DIS3L2: variants seen among roughly 807,000 people sequenced by gnomAD.
The protein encoded by DIS3L2 is DIS3-like exonuclease 2.
Under a neutral mutation model 97.5 loss-of-function variants are expected in DIS3L2, and 34 were observed. The observed-to-expected ratio is 0.35, with a 90% confidence interval of 0.27 to 0.46. The LOEUF (loss-of-function observed/expected upper bound fraction) is 0.46. DIS3L2 is among the 20% of genes least tolerant of loss of function. The pLI is 1.00. For missense variants in DIS3L2, 1,038 were observed against 1,146.0 expected (o/e 0.91, Z 1.36); for synonymous variants, 435 against 445.2 (o/e 0.98, Z 0.29).
At chr2:232,086,051 C>A (rs897350449) in intron 5 of DIS3L2, among the ~76,000 whole-genome samples, 5 of 152,026 alleles carry the variant, frequency 3.3e-5, no homozygotes, top group African/African-American at 9.7e-5. Context: ...CCTGCCTTGG[C>A]CTCCCATAGC....
intron 9 of DIS3L2, among the ~76,000 whole-genome samples, chr2:232,201,809 A>G (rs929159811): frequency 2.0e-5 from 3 of 152,220 alleles, no homozygotes; most frequent in African/African-American, 7.2e-5. Context: ...TAAACACACA[A>G]AACAACCAGC....
chr2:232,031,011 G>T (rs1694790961), intron 5 of DIS3L2, among the ~76,000 whole-genome samples: 1 of 152,040 alleles, frequency 6.6e-6, no homozygotes, highest in Non-Finnish European at 1.5e-5. Flanking sequence ...ACTTAGATTT[G>T]AATCTCATCT....
intron 12 of DIS3L2, among the ~76,000 whole-genome samples, chr2:232,259,238 G>T (rs1008107388): frequency 6.6e-6 from 1 of 151,996 alleles, no homozygotes; most frequent in East Asian, 1.9e-4. Flanking sequence ...CCTATGTGCT[G>T]TTAGGAAGGG....
rs143121644 is a variant in DIS3L2 at position 232,124,088 on chromosome 2, A to G, written c.602-6531A>G. Reference sequence around the variant, plus strand: ...AAATCATACTTCAAAGACAAGAACCATAAGAAACCACAAACAACAGAAGCA... The same window carrying G: ...AAATCATACTTCAAAGACAAGAACCGTAAGAAACCACAAACAACAGAAGCA... On this transcript the variant is annotated intron_variant, in intron 6 of 20. Coordinates refer to ENST00000325385, the MANE Select transcript of DIS3L2 (RefSeq NM_152383.5). Among the ~76,000 whole-genome samples the G allele has an allele frequency of 7.9e-5, 12 of 152,356 alleles. No individual in the cohort carries two copies. The East Asian group carries it at 9.6e-4, about 12-fold the overall frequency.
In DIS3L2 at chr2:232,030,019, G is replaced by A. The variant is rs372013568; in HGVS notation, c.305G>A (p.Arg102His). The A allele has an allele frequency of 4.4e-6, 7 of 1,608,962 alleles. No individual in the cohort carries two copies. The highest frequency in any genetic ancestry group is 1.3e-5 in the African/African-American group (1 of 74,600). ...RDIFIDGVVA[R>H]NRALNGDLVV... ...ATTTTTATTGATGGGGTTGTTGCTC[G>A]TAATAGAGCCTTAAATGGGGATCTG... The change falls in exon 5 of 21, where the codon CGT (arginine) becomes CAT (histidine). Residue 102 changes from arginine (R) to histidine (H), a missense_variant. Around this residue, in one of 3 missense-constraint regions of DIS3L2, gnomAD observed 813 missense variants for 880.1 expected, o/e 0.92. Transcript: ENST00000325385.
chr2:231,990,178 ATT>A (rs35062172), intron 1 of DIS3L2, among the ~76,000 whole-genome samples: 2 of 146,490 alleles, frequency 1.4e-5, no homozygotes, highest in East Asian at 2.0e-4. Context: ...TTAGGTTTTG[ATT>A]TTTTTTTTTT....
Position 232,077,083 on chromosome 2 carries a change from T to C in DIS3L2, c.367-10404T>C, listed in dbSNP as rs371024973. ...CTGGGCTTAGTTCTGTTCCTTTAAG[T>C]GGAGAGCCTCTCATAGCTGCCCCTC... is the stretch of plus-strand genomic sequence containing the variant. On this transcript the variant is annotated intron_variant, in intron 5 of 20. Coordinates refer to ENST00000325385, the MANE Select transcript of DIS3L2 (RefSeq NM_152383.5). 2.9e-4 allele frequency among the ~76,000 whole-genome samples: 44 copies of C among 152,274 alleles called. No homozygotes were observed. In the South Asian group the frequency reaches 2.9e-3, roughly 10 times the overall value.
At chr2:232,195,512 G>C (rs1032922382) in intron 9 of DIS3L2, among the ~76,000 whole-genome samples, 2 of 138,616 alleles carry the variant, frequency 1.4e-5, no homozygotes, top group African/African-American at 5.4e-5. Context: ...GGGAGTTGAA[G>C]CTGTCCTCTT....
chr2:232,048,054 T>G (rs1396070912), intron 5 of DIS3L2, among the ~76,000 whole-genome samples: 2 of 152,204 alleles, frequency 1.3e-5, no homozygotes, highest in Non-Finnish European at 2.9e-5. Context: ...AAGCACATGT[T>G]TTCACTTCTT....
chr2:232,303,058 CTCT>C (rs930507689), intron 14 of DIS3L2, among the ~76,000 whole-genome samples: 10 of 152,274 alleles, frequency 6.6e-5, no homozygotes, highest in African/African-American at 2.4e-4. Context: ...TGCTTGTTGC[CTCT>C]TCTTCCCAAA....
rs187831288 is a variant in DIS3L2 at position 232,071,757 on chromosome 2, C to T, written c.367-15730C>T. ...GTCTCACTATGTTGCCCAGGTTGGT[C>T]TCAAACTCCTGGGCTCAAGCAGTCC... is the stretch of plus-strand genomic sequence containing the variant. On this transcript the variant is annotated intron_variant, in intron 5 of 20. Coordinates refer to ENST00000325385, the MANE Select transcript of DIS3L2 (RefSeq NM_152383.5). Among the ~76,000 whole-genome samples the T allele has an allele frequency of 3.7e-3, 558 of 152,234 alleles. 2 individuals are homozygous for T. The highest frequency in any genetic ancestry group is 5.9e-3 in the Non-Finnish European group (400 of 68,012).
intron 8 of DIS3L2, among the ~76,000 whole-genome samples, chr2:232,141,473 G>A (rs1690037030): frequency 1.3e-5 from 2 of 152,088 alleles, no homozygotes; most frequent in Non-Finnish European, 2.9e-5. Flanking sequence ...GTTTTGAGGG[G>A]TGGAGGAGGA....
intron 8 of DIS3L2, 25 bp downstream of exon 8, chr2:232,136,744 C>T: frequency 6.2e-7 from 1 of 1,609,868 alleles, no homozygotes; most frequent in Non-Finnish European, 8.5e-7. Context: ...GTAGGAAAAA[C>T]CACAGGTCAC....
chr2:231,974,265 C>T (rs1223214208), intron 1 of DIS3L2, among the ~76,000 whole-genome samples: 1 of 152,014 alleles, frequency 6.6e-6, no homozygotes, highest in Non-Finnish European at 1.5e-5. Flanking sequence ...GAAGCTGGAG[C>T]AGAAGGACAC....
chr2:232,067,533 A>C (rs940687900), intron 5 of DIS3L2, among the ~76,000 whole-genome samples: 16 of 152,202 alleles, frequency 1.1e-4, no homozygotes, highest in Admixed American at 2.0e-4. Context: ...TGAAACCTAC[A>C]GAAATTCATG....
rs541767928 is a variant in DIS3L2 at position 232,311,077 on chromosome 2, G to A, written c.1739+10958G>A. Among the ~76,000 whole-genome samples the A allele has an allele frequency of 1.7e-4, 26 of 152,334 alleles. No homozygotes were observed. The Middle Eastern group carries it at 0.01, about 60-fold the overall frequency. On this transcript the variant is annotated intron_variant, in intron 14 of 20. Transcript: ENST00000325385. ...GTTTCCCATGCTGCTGAGCTATGGT[G>A]CTCAGGACCCTTTGTAGAAATCACT...
At chr2:231,973,867 T>A (rs1325037309) in intron 1 of DIS3L2, among the ~76,000 whole-genome samples, 1 of 152,100 alleles carries the variant, frequency 6.6e-6, no homozygotes, top group Non-Finnish European at 1.5e-5. Context: ...CCCCAACTAA[T>A]AATTACAACA....
At chr2:232,318,013 C>T (rs1184977798) in intron 14 of DIS3L2, among the ~76,000 whole-genome samples, 1 of 152,172 alleles carries the variant, frequency 6.6e-6, no homozygotes, top group Non-Finnish European at 1.5e-5. Flanking sequence ...TACCTTTCCC[C>T]CCTGACTTTA....
chr2:231,964,696 C>A (rs1692663036), intron 1 of DIS3L2, among the ~76,000 whole-genome samples: 1 of 152,172 alleles, frequency 6.6e-6, no homozygotes, highest in South Asian at 2.1e-4. Context: ...ACTATAATTT[C>A]ATTCCAATTT....
Sources: allele counts gnomAD v4.1 joint callset (sites outside exome capture counted in the v4.1 genomes callset), GRCh38; gene constraint gnomAD v4.1.1; regional missense constraint gnomAD v4.1.1; transcripts MANE v1.5; gene names NCBI Gene and HGNC (gene_info 2026-07-23, HGNC 2026-07-21).